Variants in SOD2 observed in about 807,000 individuals in gnomAD.
The protein encoded by SOD2 is superoxide dismutase [Mn], mitochondrial.
In SOD2, 11 loss-of-function variants were observed where a neutral mutation model predicts 27.0. That is an observed-to-expected ratio of 0.41 (90% confidence interval 0.26 to 0.67). The LOEUF (loss-of-function observed/expected upper bound fraction) is 0.67. Ranked by LOEUF, SOD2 falls within the 30% of genes least tolerant of loss-of-function variation. The probability of loss-of-function intolerance (pLI) is 0.34; values close to 1 mark genes in which losing one functional copy is unlikely to be tolerated. For missense variants in SOD2, 250 were observed against 274.5 expected (o/e 0.91, Z 0.63); for synonymous variants, 105 against 103.0 (o/e 1.02, Z -0.12).
intron 1 of SOD2, among the ~76,000 whole-genome samples, chr6:159,702,536 C>G (rs1457039094): frequency 6.6e-6 from 1 of 151,202 alleles, no homozygotes; most frequent in African/African-American, 2.4e-5. Flanking sequence ...CTCAGACAAT[C>G]TGCCCACCTC....
At chr6:159,749,457 T>A (rs1339064489), upstream of SOD2, 1 of 980,662 alleles carries the variant, frequency 1.0e-6, no homozygotes, top group Non-Finnish European at 1.2e-6. Flanking sequence ...CAAAGAATAT[T>A]ATGATGATTT....
chr6:159,712,495 C>T (rs79266155), intron 1 of SOD2, among the ~76,000 whole-genome samples: 21 of 80,516 alleles, frequency 2.6e-4, no homozygotes, highest in South Asian at 6.0e-4. Flanking sequence ...GCTGCTCTGA[C>T]CTCCATAACC....
rs1009650613 is a variant in SOD2, at chr6:159,675,557, G to A, written c.*6936C>T. On this transcript the variant is annotated 3_prime_UTR_variant, in exon 5 of 5. Coordinates refer to ENST00000538183, the MANE Select transcript of SOD2 (RefSeq NM_000636.4). Reference sequence around the variant, plus strand: ...ACTGGCTAGCCACATGTAGAAAGCTGAAACTGGATCCCTTCCTTACACCTT... The same window carrying A: ...ACTGGCTAGCCACATGTAGAAAGCTAAAACTGGATCCCTTCCTTACACCTT... 6.6e-6 allele frequency: 1 copy of A among 152,196 alleles called. No homozygotes were observed. The highest frequency in any genetic ancestry group is 2.4e-5 in the African/African-American group (1 of 41,458). 9.4% of individuals were successfully genotyped at this position (152,196 alleles called of 1,614,324 possible). A position where few individuals can be genotyped will look rare whatever the true frequency, so the allele number is the denominator to read the frequency against.
Position 159,712,957 on chromosome 6 carries a change from G to A in SOD2, c.-116+14172C>T, listed in dbSNP as rs150595470. The A allele has an allele frequency of 1.0e-3, 605 of 606,818 alleles. 1 individual carries two copies. Among genetic ancestry groups the A allele is most frequent in the Non-Finnish European group, 1.5e-3 (501 of 330,978 alleles). 37.6% of individuals were successfully genotyped at this position (606,818 alleles called of 1,614,324 possible). On this transcript the variant is annotated intron_variant, in intron 1 of 2. Coordinates refer to the SOD2 transcript ENST00000401980. ...TGTACCTGTGCTGCATATTAGCTTT[G>A]TCTTTTGCCATAGCTGCCACTGCAT...
chr6:159,753,424 T>G (rs1440), intron 1 of SOD2: 882,135 of 1,613,376 alleles, frequency 0.55, 249,357 homozygotes, highest in Admixed American at 0.62. Flanking sequence ...GAGAGTTTTG[T>G]CTTCATTTTG....
intron 3 of SOD2, among the ~76,000 whole-genome samples, chr6:159,685,887 C>A (rs1780166668): frequency 6.6e-6 from 1 of 152,140 alleles, no homozygotes; most frequent in Non-Finnish European, 1.5e-5. Context: ...ACTCACTGTA[C>A]TATCTTTGTT....
chr6:159,697,877 C>G (rs111928890), upstream of SOD2, among the ~76,000 whole-genome samples: 2 of 152,318 alleles, frequency 1.3e-5, no homozygotes, highest in South Asian at 2.1e-4. Context: ...CCATGGCTCA[C>G]GCCTGTAATC....
At chr6:159,745,756 A>G (rs1031004974), upstream of SOD2, among the ~76,000 whole-genome samples, 1 of 152,176 alleles carries the variant, frequency 6.6e-6, no homozygotes, top group Non-Finnish European at 1.5e-5. Context: ...TGAAAGATAG[A>G]TTTGAGAGGA....
intron 1 of SOD2, chr6:159,726,925 C>CT: frequency 7.8e-7 from 1 of 1,288,800 alleles, no homozygotes. Context: ...GCACCTGGTC[C>CT]TCCGACACGC....
At chr6:159,721,038 T>G (rs1363828952) in intron 1 of SOD2, among the ~76,000 whole-genome samples, 1 of 149,784 alleles carries the variant, frequency 6.7e-6, no homozygotes, top group Admixed American at 6.6e-5. Context: ...TTTTGTATTT[T>G]TATTTTTATT....
At chr6:159,753,901 A>G (rs182598996) in intron 1 of SOD2, among the ~76,000 whole-genome samples, 1 of 152,326 alleles carries the variant, frequency 6.6e-6, no homozygotes, top group African/African-American at 2.4e-5. Context: ...GTATTACTTA[A>G]CAAGATGGAC....
At chr6:159,761,961 CGCGGGGAGGTGG>C in exon 1 of SOD2, 1 of 1,094,660 alleles carries the variant, frequency 9.1e-7, no homozygotes, top group African/African-American at 1.7e-5. Context: ...GGAGGTGGTG[CGCGGGGAGGTGG>C]AGGGCGAGGG....
At chr6:159,698,144 G>A (rs1167112145), upstream of SOD2, among the ~76,000 whole-genome samples, 1 of 152,092 alleles carries the variant, frequency 6.6e-6, no homozygotes, top group Non-Finnish European at 1.5e-5. Flanking sequence ...GTGGTGGCAC[G>A]CACCTGTAGT....
upstream of SOD2, among the ~76,000 whole-genome samples, chr6:159,694,677 C>T (rs962596982): frequency 6.6e-6 from 1 of 152,102 alleles, no homozygotes; most frequent in East Asian, 1.9e-4. Context: ...CTCACTGGAA[C>T]CTCTGCCTCC....
At chr6:159,727,162 G>A in exon 1 of SOD2, 1 of 1,196,098 alleles carries the variant, frequency 8.4e-7, no homozygotes, top group South Asian at 1.5e-5. Flanking sequence ...CGCGGAGCTC[G>A]CGCCAGGCTC....
upstream of SOD2, chr6:159,727,648 C>CA (rs927229874): frequency 1.4e-5 from 14 of 985,708 alleles, no homozygotes; most frequent in African/African-American, 2.5e-4. Flanking sequence ...GCAGGGCAAG[C>CA]AGCGCGGCCT....
chr6:159,747,858 CAAATGG>C (rs1779665919), upstream of SOD2, among the ~76,000 whole-genome samples: 1 of 151,250 alleles, frequency 6.6e-6, no homozygotes, highest in Non-Finnish European at 1.5e-5. Flanking sequence ...GAGATGTAAT[CAAATGG>C]CCTCAATTCC....
chr6:159,755,560 C>T (rs757868664), intron 1 of SOD2: 85 of 1,614,024 alleles, frequency 5.3e-5, no homozygotes, highest in South Asian at 4.9e-4. Flanking sequence ...GTTCCCGCCA[C>T]GTTCAGAATG....
rs936802032 is a variant in SOD2 at position 159,669,169 on chromosome 6, C to T, written c.*13324G>A. 2.0e-5 allele frequency: 3 copies of T among 152,118 alleles called. No homozygotes were observed. The highest frequency in any genetic ancestry group is 4.4e-5 in the Non-Finnish European group (3 of 68,020). 9.4% of individuals were successfully genotyped at this position (152,118 alleles called of 1,614,324 possible). A position where few individuals can be genotyped will look rare whatever the true frequency, so the allele number is the denominator to read the frequency against. On this transcript the variant is annotated 3_prime_UTR_variant, in exon 5 of 5. Transcript: ENST00000538183. ...AAGGTACAAATAAAAGGCGTTCTGTCGGAATTATCATGCACTGTGGTGGAA... is the reference window on the plus strand; with the variant it reads ...AAGGTACAAATAAAAGGCGTTCTGTTGGAATTATCATGCACTGTGGTGGAA...
Sources: allele counts gnomAD v4.1 joint callset (sites outside exome capture counted in the v4.1 genomes callset), GRCh38; gene constraint gnomAD v4.1.1; transcripts MANE v1.5; gene names NCBI Gene and HGNC (gene_info 2026-07-23, HGNC 2026-07-21).